The following PARD3 variants were observed in gnomAD, a reference collection of about 807,000 sequenced individuals.
PARD3 encodes the protein partitioning defective 3 homolog.
PARD3 carries 75 observed loss-of-function variants against 155.4 expected under a neutral mutation model. That is an observed-to-expected ratio of 0.48 (90% CI 0.40 to 0.58). The LOEUF (loss-of-function observed/expected upper bound fraction) is 0.58. Among genes scored for constraint, PARD3 ranks in the 20% least tolerant of loss-of-function variants. PARD3 has a pLI of 0.00. For synonymous variants in PARD3, 576 were observed against 610.5 expected, an observed-to-expected ratio of 0.94 and a Z score of 0.83; for missense variants, 1,642 against 1,721.7, an observed-to-expected ratio of 0.95 and a Z score of 0.82.
chr10:34,773,708 C>T (rs531793877), intron 1 of PARD3, among the ~76,000 whole-genome samples: 2 of 152,218 alleles, frequency 1.3e-5, no homozygotes, highest in Non-Finnish European at 2.9e-5. Flanking sequence ...TAGGTTTATT[C>T]GGTGCTTTTC....
intron 20 of PARD3, among the ~76,000 whole-genome samples, chr10:34,305,942 C>T (rs1202598164): frequency 2.6e-5 from 4 of 152,114 alleles, no homozygotes; most frequent in African/African-American, 7.2e-5. Flanking sequence ...TACTGCACTC[C>T]ATCCAGCCTG....
intron 1 of PARD3, among the ~76,000 whole-genome samples, chr10:34,809,372 C>A (rs1263902695): frequency 6.6e-6 from 1 of 152,150 alleles, no homozygotes; most frequent in Admixed American, 6.5e-5. Flanking sequence ...CACGGATACA[C>A]TTGAAAACCA....
At chr10:34,453,259 G>A (rs180978878) in intron 4 of PARD3, among the ~76,000 whole-genome samples, 14 of 152,202 alleles carry the variant, frequency 9.2e-5, no homozygotes, top group Middle Eastern at 3.4e-3. Context: ...CAGTTCAAAC[G>A]CTATTTTCTA....
At chr10:34,482,974 C>A (rs931765932) in intron 3 of PARD3, among the ~76,000 whole-genome samples, 1 of 150,920 alleles carries the variant, frequency 6.6e-6, no homozygotes, top group African/African-American at 2.5e-5. Flanking sequence ...CATGGAGAAA[C>A]CCTGTCTCTA....
chr10:34,346,596 AAGTAC>A (rs1249468382), intron 15 of PARD3: 1 of 1,010,166 alleles, frequency 9.9e-7, no homozygotes. Flanking sequence ...AAAGCCAAGA[AAGTAC>A]AGAAAATCCA....
intron 2 of PARD3, among the ~76,000 whole-genome samples, chr10:34,598,209 C>G (rs1195084705): frequency 1.3e-5 from 2 of 152,092 alleles, no homozygotes; most frequent in Non-Finnish European, 2.9e-5. Context: ...TTCTGAGGAA[C>G]AAGGGATCTC....
At chr10:34,400,919 T>G (rs112695366) in intron 6 of PARD3, among the ~76,000 whole-genome samples, 3 of 152,096 alleles carry the variant, frequency 2.0e-5, no homozygotes, top group Non-Finnish European at 2.9e-5. Context: ...AAGCTAAGAA[T>G]AGCATAACTT....
At chr10:34,588,182 T>TA (rs1257843428) in intron 2 of PARD3, among the ~76,000 whole-genome samples, 1 of 152,174 alleles carries the variant, frequency 6.6e-6, no homozygotes, top group Non-Finnish European at 1.5e-5. Flanking sequence ...CCAACAAAGT[T>TA]AGAGTCATGA....
At chr10:34,724,426 C>T (rs763529964) in intron 1 of PARD3, among the ~76,000 whole-genome samples, 4 of 151,680 alleles carry the variant, frequency 2.6e-5, no homozygotes, top group Non-Finnish European at 4.4e-5. Context: ...TGTTTATAAG[C>T]TCATACATTG....
chr10:34,454,457 CG>C (rs2077226043), intron 4 of PARD3, among the ~76,000 whole-genome samples: 1 of 151,916 alleles, frequency 6.6e-6, no homozygotes, highest in South Asian at 2.1e-4. Flanking sequence ...ATATGGCACT[CG>C]TAACCAATCT....
chr10:34,383,612 C>T (rs1002751830), intron 8 of PARD3, among the ~76,000 whole-genome samples: 2 of 152,152 alleles, frequency 1.3e-5, no homozygotes, highest in Non-Finnish European at 2.9e-5. Flanking sequence ...GTTCTGTTTG[C>T]TCCTGCCTTG....
At chr10:34,573,330 T>G (rs1434715215) in intron 2 of PARD3, among the ~76,000 whole-genome samples, 2 of 152,180 alleles carry the variant, frequency 1.3e-5, no homozygotes, top group African/African-American at 4.8e-5. Context: ...CACTCCAGCC[T>G]AGGCAACAGA....
chr10:34,200,644 C>A (rs1951168234), intron 22 of PARD3, among the ~76,000 whole-genome samples: 1 of 152,188 alleles, frequency 6.6e-6, no homozygotes, highest in African/African-American at 2.4e-5. Flanking sequence ...ATGGTCCAGC[C>A]ACTCACTAGA....
chr10:34,535,026 CCTATTTTGT>C (rs1037612964), intron 2 of PARD3, among the ~76,000 whole-genome samples: 1 of 152,060 alleles, frequency 6.6e-6, no homozygotes, highest in African/African-American at 2.4e-5. Flanking sequence ...AATGAATCAT[CCTATTTTGT>C]CTATTTTGCA....
chr10:34,191,654 G>T (rs1274475), intron 22 of PARD3, among the ~76,000 whole-genome samples: 7 of 150,068 alleles, frequency 4.7e-5, no homozygotes, highest in South Asian at 2.1e-4. Flanking sequence ...GGGTGGGGGT[G>T]GGGGTGAAGA....
chr10:34,149,540 T>C (rs1009935052), intron 22 of PARD3, among the ~76,000 whole-genome samples: 2 of 152,190 alleles, frequency 1.3e-5, no homozygotes, highest in African/African-American at 4.8e-5. Flanking sequence ...GTTATTTGAT[T>C]TGTTATATAA....
At position 34,168,034 on chromosome 10, in the gene PARD3, A is replaced by T. The variant is rs1949617065; in HGVS notation, c.3420-36451T>A. ...TTTTTTTGAGCAAAGGTCGTGTCAT[A>T]GTAATGGCTTAATATGGTTTTTTTC... On this transcript the variant is annotated intron_variant, in intron 22 of 24. Coordinates refer to ENST00000374788, the MANE Select transcript of PARD3 (RefSeq NM_001184785.2). Among the ~76,000 whole-genome samples the T allele has an allele frequency of 2.7e-5, 4 of 146,390 alleles. No homozygotes were observed. In the Admixed American group the frequency reaches 2.7e-4, roughly 10 times the overall value.
chr10:34,315,297 T>C (rs773854942), intron 20 of PARD3, among the ~76,000 whole-genome samples: 35 of 152,220 alleles, frequency 2.3e-4, no homozygotes, highest in Non-Finnish European at 4.1e-4. Context: ...TGGCCCCAGA[T>C]AGAAAGCTCT....
intron 1 of PARD3, among the ~76,000 whole-genome samples, chr10:34,789,224 C>T (rs1421118871): frequency 2.0e-5 from 3 of 152,062 alleles, no homozygotes; most frequent in Admixed American, 1.3e-4. Flanking sequence ...CCCAGGAGGC[C>T]GAGGCCGCAG....
Sources: gnomAD v4.1 joint callset for allele counts (sites outside exome capture counted in the v4.1 genomes callset) on GRCh38, gnomAD v4.1.1 for gene constraint, MANE v1.5 for transcripts, NCBI Gene and HGNC (gene_info 2026-07-23, HGNC 2026-07-21) for gene names.